Variants in ADAMTS12 observed in about 807,000 individuals in gnomAD.
ADAMTS12 encodes ADAM metallopeptidase with thrombospondin type 1 motif 12, also known as A disintegrin and metalloproteinase with thrombospondin motifs 12.
ADAMTS12 carries 118 observed loss-of-function variants against 167.8 expected under a neutral mutation model. The observed-to-expected ratio is 0.70, with a 90% confidence interval of 0.61 to 0.82. The LOEUF (loss-of-function observed/expected upper bound fraction) is 0.82. ADAMTS12 is among the 40% of genes least tolerant of loss of function. The pLI is 0.00. For missense variants in ADAMTS12, 1,916 were observed against 1,998.8 expected (o/e 0.96, Z 0.79); for synonymous variants, 704 against 716.9 (o/e 0.98, Z 0.29).
chr5:33,849,343 A>AT (rs1749102331), intron 2 of ADAMTS12, among the ~76,000 whole-genome samples: 1 of 130,298 alleles, frequency 7.7e-6, no homozygotes, highest in Non-Finnish European at 1.6e-5. Flanking sequence ...ATTGAATAGC[A>AT]ATATATATAT....
At chr5:33,630,722 C>T (rs957444541) in intron 13 of ADAMTS12, 58 bp downstream of exon 13, 6 of 1,557,912 alleles carry the variant, frequency 3.9e-6, no homozygotes, top group Non-Finnish European at 5.3e-6. Flanking sequence ...TCTGACTTCC[C>T]AAATTAGTAA....
chr5:33,662,104 A>G (rs1741281146), intron 5 of ADAMTS12, 64 bp from the exon 6 acceptor site: 1 of 1,580,490 alleles, frequency 6.3e-7, no homozygotes, highest in African/African-American at 1.3e-5. Context: ...CCATTGCATT[A>G]GGCATTCATC....
intron 2 of ADAMTS12, among the ~76,000 whole-genome samples, chr5:33,817,277 C>G (rs1224625887): frequency 2.6e-5 from 4 of 152,128 alleles, no homozygotes; most frequent in Non-Finnish European, 4.4e-5. Context: ...TGGAAACTGC[C>G]TTGCACTAGA....
chr5:33,577,240 A>G (rs1337423273), intron 18 of ADAMTS12, 80 bp from the exon 19 acceptor site: 22 of 1,592,068 alleles, frequency 1.4e-5, no homozygotes, highest in Non-Finnish European at 1.9e-5. Context: ...AGATCAAAAC[A>G]GGCCTGATGG....
intron 4 of ADAMTS12, 63 bp from the exon 5 acceptor site, chr5:33,683,164 A>T: frequency 7.8e-7 from 1 of 1,282,014 alleles, no homozygotes; most frequent in Non-Finnish European, 1.1e-6. Flanking sequence ...ATACCAGAGA[A>T]GAAAATAGCA....
chr5:33,692,242 A>G (rs1439262668), intron 3 of ADAMTS12, among the ~76,000 whole-genome samples: 1 of 152,210 alleles, frequency 6.6e-6, no homozygotes, highest in Admixed American at 6.5e-5. Flanking sequence ...CAGAACTTAA[A>G]GGGAAGGCAG....
intron 22 of ADAMTS12, among the ~76,000 whole-genome samples, chr5:33,540,521 C>T (rs557927397): frequency 2.6e-5 from 4 of 152,370 alleles, no homozygotes; most frequent in Admixed American, 2.0e-4. Flanking sequence ...GGGTCCCTGA[C>T]CCTTGTGTAG....
chr5:33,585,053 CCA>C (rs1747271364), intron 18 of ADAMTS12, among the ~76,000 whole-genome samples: 1 of 131,764 alleles, frequency 7.6e-6, no homozygotes, highest in South Asian at 2.5e-4. Flanking sequence ...ATCCATCCAT[CCA>C]TCCATCCATC....
intron 2 of ADAMTS12, among the ~76,000 whole-genome samples, chr5:33,765,432 T>A (rs1387632694): frequency 6.6e-6 from 1 of 152,214 alleles, no homozygotes; most frequent in Non-Finnish European, 1.5e-5. Flanking sequence ...TTGTTTGTAA[T>A]CCAAAATCTA....
chr5:33,639,300 G>A (rs906650038), intron 11 of ADAMTS12, among the ~76,000 whole-genome samples: 5 of 152,122 alleles, frequency 3.3e-5, no homozygotes, highest in African/African-American at 4.8e-5. Flanking sequence ...TGCAAATGAA[G>A]GTCAACCCAT....
chr5:33,872,333 C>T (rs566297320), intron 2 of ADAMTS12, among the ~76,000 whole-genome samples: 65 of 152,160 alleles, frequency 4.3e-4, no homozygotes, highest in African/African-American at 1.5e-3. Flanking sequence ...ATCACGAGGT[C>T]AGGAGTTCGA....
intron 16 of ADAMTS12, among the ~76,000 whole-genome samples, chr5:33,599,860 C>T (rs1475381137): frequency 1.3e-5 from 2 of 152,132 alleles, no homozygotes; most frequent in African/African-American, 4.8e-5. Flanking sequence ...AATCAGTCAC[C>T]CTTTTAAGAG....
chr5:33,707,218 T>C (rs1331515717), intron 3 of ADAMTS12, among the ~76,000 whole-genome samples: 1 of 151,676 alleles, frequency 6.6e-6, no homozygotes, highest in African/African-American at 2.4e-5. Flanking sequence ...ACAAAGAAAA[T>C]AAAATACCTA....
At chr5:33,834,749 G>A (rs964791762) in intron 2 of ADAMTS12, among the ~76,000 whole-genome samples, 2 of 152,210 alleles carry the variant, frequency 1.3e-5, no homozygotes, top group Non-Finnish European at 2.9e-5. Flanking sequence ...TTTCCTGGAG[G>A]ATTAGGACAC....
At chr5:33,534,685 T>G (rs571741978) in intron 23 of ADAMTS12, 148 bp downstream of exon 23, 3 of 1,026,016 alleles carry the variant, frequency 2.9e-6, no homozygotes, top group South Asian at 4.0e-5. Context: ...CCAGATCAGA[T>G]AGTTTGTTCC....
chr5:33,602,232 G>T (rs971646367), intron 16 of ADAMTS12, among the ~76,000 whole-genome samples: 1 of 152,178 alleles, frequency 6.6e-6, no homozygotes, highest in East Asian at 1.9e-4. Flanking sequence ...GGTAAAAAAT[G>T]GAACTAGGAA....
At chr5:33,853,593 A>G (rs1749294932) in intron 2 of ADAMTS12, among the ~76,000 whole-genome samples, 1 of 152,178 alleles carries the variant, frequency 6.6e-6, no homozygotes, top group African/African-American at 2.4e-5. Flanking sequence ...CTTTTCCTGA[A>G]TCACATTGTC....
intron 2 of ADAMTS12, among the ~76,000 whole-genome samples, chr5:33,843,429 C>T (rs142620693): frequency 3.4e-4 from 51 of 152,160 alleles, no homozygotes; most frequent in African/African-American, 1.1e-3. Flanking sequence ...CCATATCAGG[C>T]AAGGGGGTAG....
At position 33,683,841 on chromosome 5, in the gene ADAMTS12, C is replaced by T; in HGVS notation, c.831+18G>A. 2 of 1,456,664 alleles carry T rather than the reference C, an allele frequency of 1.4e-6. No individual in the cohort carries two copies. The highest frequency in any genetic ancestry group is 1.9e-4 in the Middle Eastern group (1 of 5,312). The allele number at this position is 1,456,664 out of a possible 1,614,324, so 90.2% of individuals were successfully genotyped here. On this transcript the variant is annotated intron_variant, in intron 4 of 23. Transcript: ENST00000504830. ...ATCTGTTCACTAGCTGCCCCAGCCCCCATGTAGTCTGGCATACCATGTTCA... is the reference window on the plus strand; with the variant it reads ...ATCTGTTCACTAGCTGCCCCAGCCCTCATGTAGTCTGGCATACCATGTTCA...
Sources: allele counts gnomAD v4.1 joint callset (sites outside exome capture counted in the v4.1 genomes callset), GRCh38; gene constraint gnomAD v4.1.1; transcripts MANE v1.5; gene names NCBI Gene and HGNC (gene_info 2026-07-23, HGNC 2026-07-21).